The following SLC8B1 variants were observed in gnomAD, a reference collection of about 807,000 sequenced individuals.
SLC8B1 encodes the protein mitochondrial sodium/calcium exchanger protein.
Under a neutral mutation model 63.4 loss-of-function variants are expected in SLC8B1, and 52 were observed. That is an observed-to-expected ratio of 0.82 (90% CI 0.66 to 1.03). The LOEUF is 1.03. Among genes scored for constraint, SLC8B1 ranks in the 50% least tolerant of loss-of-function variants. SLC8B1 has a pLI of 0.00. For synonymous variants in SLC8B1, 336 were observed against 323.9 expected (o/e 1.04, Z -0.40); for missense variants, 657 against 741.7 (o/e 0.89, Z 1.33).
At chr12:113,322,668 C>T (rs772524924) in intron 2 of SLC8B1, among the ~76,000 whole-genome samples, 11 of 151,992 alleles carry the variant, frequency 7.2e-5, no homozygotes, top group Non-Finnish European at 1.0e-4. Flanking sequence ...GAAGTGGGCC[C>T]GGGTGTGGTG....
In SLC8B1 at chr12:113,305,948, A is replaced by G. The variant is rs1396938054; in HGVS notation, c.1492+547T>C. 6.6e-6 allele frequency among the ~76,000 whole-genome samples: 1 copy of G among 151,622 alleles called. No homozygotes were observed. Among genetic ancestry groups the G allele is most frequent in the East Asian group, 1.9e-4 (1 of 5,172 alleles). On this transcript the variant is annotated intron_variant, in intron 14 of 15. Coordinates refer to ENST00000680972, the MANE Select transcript of SLC8B1 (RefSeq NM_001358345.2). The surrounding 1 kb of genome is among the most constrained non-coding windows in gnomAD (Gnocchi z 4.3). The stretch of plus-strand genomic sequence containing the variant: ...GTCGTGGGCGCCTGTAGTCCCAGCT[A>G]CTCAGAAGACTGAGGCAGGAGAATT...
rs148277779 is a variant in SLC8B1 at position 113,312,787 on chromosome 12, G to C, written c.1136-2432C>G. Among the ~76,000 whole-genome samples, 186 of 152,354 alleles carry C rather than the reference G, an allele frequency of 1.2e-3. 4 individuals are homozygous for C. The East Asian group carries it at 0.019, about 16-fold the overall frequency. On this transcript the variant is annotated intron_variant, in intron 11 of 15. Coordinates refer to ENST00000680972, the MANE Select transcript of SLC8B1 (RefSeq NM_001358345.2). ...TTCAGTTCTATCATTGTATCAAGGA[G>C]AAAGTTTCCATTTGGTGCTAATAGG...
chr12:113,316,552 ATGC>A lies in SLC8B1; in HGVS notation c.964_966del (p.Ala322del). On this transcript the variant is annotated inframe_deletion, in exon 10 of 16. Coordinates refer to ENST00000680972, the MANE Select transcript of SLC8B1 (RefSeq NM_001358345.2). ...TTGAACACCTTGAGGGCTTTCCAGT[ATGC>A]TGATTTCCTTCTCCACTTCATGTAA... 6.2e-7 allele frequency: 1 copy of A among 1,614,172 alleles called. No homozygotes were observed. Among genetic ancestry groups the A allele is most frequent in the Non-Finnish European group, 8.5e-7 (1 of 1,180,010 alleles).
intron 8 of SLC8B1, among the ~76,000 whole-genome samples, chr12:113,318,111 AGT>A (rs1956862615): frequency 6.6e-6 from 1 of 151,318 alleles, no homozygotes; most frequent in Admixed American, 6.6e-5. Flanking sequence ...TGTTTGTATA[AGT>A]GTGTTGTGTA....
At chr12:113,331,386 GAAAAAAA>G (rs752575330) in intron 2 of SLC8B1, among the ~76,000 whole-genome samples, 2,395 of 85,822 alleles carry the variant, frequency 0.028, 32 homozygotes, top group Middle Eastern at 0.069. Flanking sequence ...GACTGTTCTC[GAAAAAAA>G]AAAAAAAAAA....
intron 15 of SLC8B1, chr12:113,302,639 C>A: frequency 2.2e-6 from 1 of 456,102 alleles, no homozygotes. Context: ...CATGAGGTAC[C>A]GTGTGGGCTG....
At position 113,332,974 on chromosome 12, in the gene SLC8B1, G is replaced by A. The variant is rs186041297; in HGVS notation, c.-82-14C>T. The A allele has an allele frequency of 5.1e-5, 75 of 1,462,212 alleles. 2 individuals carry two copies. The East Asian group carries it at 1.2e-3, about 24-fold the overall frequency. 90.6% of individuals were successfully genotyped at this position (1,462,212 alleles called of 1,614,324 possible). On this transcript the variant is annotated splice_polypyrimidine_tract_variant and intron_variant, in intron 1 of 15. Transcript: ENST00000680972. The stretch of plus-strand genomic sequence containing the variant: ...GGCTCCGGTGGCCTGCAAGGTGGGA[G>A]TGAGAAAGGGGGACAACATTACTGA...
Position 113,315,498 on chromosome 12 carries a change from G to A in SLC8B1, c.994-22C>T, listed in dbSNP as rs558756500. On this transcript the variant is annotated intron_variant, in intron 10 of 15. Coordinates refer to ENST00000680972, the MANE Select transcript of SLC8B1 (RefSeq NM_001358345.2). ...GCAGCTGTCAAGGGGGCAAAAGTGG[G>A]AGGGTGTCGGCAGGGAAGTCTGAAT... 4.2e-5 allele frequency: 65 copies of A among 1,553,230 alleles called. No homozygotes were observed. In the South Asian group the frequency reaches 5.8e-4, roughly 14 times the overall value.
intron 15 of SLC8B1, among the ~76,000 whole-genome samples, chr12:113,301,288 CTA>C (rs756868846): frequency 6.8e-6 from 1 of 146,192 alleles, no homozygotes; most frequent in Non-Finnish European, 1.5e-5. Context: ...TTTAACTGTT[CTA>C]TGTTTGAGTT....
Position 113,317,202 on chromosome 12 carries a change from C to A in SLC8B1, c.803-201G>T, listed in dbSNP as rs534076124. 1.1e-4 allele frequency among the ~76,000 whole-genome samples: 17 copies of A among 152,268 alleles called. 1 individual carries two copies. The highest frequency in any genetic ancestry group is 4.1e-4 in the African/African-American group (17 of 41,552). ...GCAGCCTAGACCTCCTGGGCTCACT[C>A]AATCCTCCCACCTCAACCTCCCTCC... On this transcript the variant is annotated intron_variant, in intron 8 of 15. Coordinates refer to ENST00000680972, the MANE Select transcript of SLC8B1 (RefSeq NM_001358345.2).
At chr12:113,308,054 C>T in intron 12 of SLC8B1, 1 of 584,018 alleles carries the variant, frequency 1.7e-6, no homozygotes, top group Non-Finnish European at 2.7e-6. Flanking sequence ...CCTTAATAAA[C>T]TCCCTTTCAG....
chr12:113,299,754 G>A lies in SLC8B1; in HGVS notation c.*23C>T, dbSNP rs1956545870. 6.2e-7 allele frequency: 1 copy of A among 1,610,510 alleles called. No homozygotes were observed. Reference sequence around the variant, plus strand: ...GGGCGGGGCTCCTGCCTGCAGTGAGGCCACAGCACTAAGCGGCTTCAGTCA... The same window carrying A: ...GGGCGGGGCTCCTGCCTGCAGTGAGACCACAGCACTAAGCGGCTTCAGTCA... On this transcript the variant is annotated 3_prime_UTR_variant, in exon 16 of 16. Coordinates refer to ENST00000680972, the MANE Select transcript of SLC8B1 (RefSeq NM_001358345.2).
intron 13 of SLC8B1, among the ~76,000 whole-genome samples, chr12:113,307,237 T>TAAGTGG (rs1956688902): frequency 6.9e-6 from 1 of 144,114 alleles, no homozygotes; most frequent in Non-Finnish European, 1.5e-5. Flanking sequence ...CTCAAAAAGG[T>TAAGTGG]AAGTGGAAGG....
intron 2 of SLC8B1, among the ~76,000 whole-genome samples, chr12:113,329,355 G>A (rs1957031832): frequency 6.6e-6 from 1 of 152,112 alleles, no homozygotes; most frequent in South Asian, 2.1e-4. Flanking sequence ...AACTGGGCAG[G>A]GGCAGCCTCC....
At chr12:113,333,666 C>G (rs1020712333) in intron 1 of SLC8B1, among the ~76,000 whole-genome samples, 7 of 151,870 alleles carry the variant, frequency 4.6e-5, no homozygotes, top group Non-Finnish European at 7.4e-5. Context: ...GCCCCCCACC[C>G]CACCCTGCAC....
chr12:113,311,689 C>CA (rs1384886893), intron 11 of SLC8B1, among the ~76,000 whole-genome samples: 1 of 135,678 alleles, frequency 7.4e-6, no homozygotes, highest in East Asian at 2.2e-4. Flanking sequence ...GAGTGATTGT[C>CA]AAGGGGGATT....
At chr12:113,306,322 G>A (rs902186017) in intron 14 of SLC8B1, among the ~76,000 whole-genome samples, 173 bp downstream of exon 14, 1 of 152,096 alleles carries the variant, frequency 6.6e-6, no homozygotes, top group Admixed American at 6.6e-5. Flanking sequence ...ACCACTTGGA[G>A]GTTAGCACTC....
chr12:113,307,870 G>T (rs1377947828), intron 12 of SLC8B1, 26 bp from the exon 13 acceptor site: 2 of 1,605,832 alleles, frequency 1.2e-6, no homozygotes, highest in Non-Finnish European at 1.7e-6. Context: ...TTTGCTGTGG[G>T]ACCAAGGCCA....
At chr12:113,321,174 G>GC (rs751449456) in intron 3 of SLC8B1, 22 bp downstream of exon 3, 7 of 1,613,834 alleles carry the variant, frequency 4.3e-6, no homozygotes, top group South Asian at 2.2e-5. Flanking sequence ...CCTCTCACCA[G>GC]CCCCCCAGGG....
Sources: gnomAD v4.1 joint callset for allele counts (sites outside exome capture counted in the v4.1 genomes callset) on GRCh38, gnomAD v4.1.1 for gene constraint, Gnocchi (gnomAD v3.1) non-coding constraint, MANE v1.5 for transcripts, NCBI Gene and HGNC (gene_info 2026-07-23, HGNC 2026-07-21) for gene names.